Variants in MFHAS1 observed in about 807,000 individuals in gnomAD.
MFHAS1 encodes the protein malignant fibrous histiocytoma-amplified sequence 1.
MFHAS1 carries 50 observed loss-of-function variants against 70.4 expected under a neutral mutation model. That is an observed-to-expected ratio of 0.71 (90% CI 0.57 to 0.90). MFHAS1 has a LOEUF of 0.90. MFHAS1 is among the 40% of genes least tolerant of loss of function. The pLI is 0.00. For synonymous variants in MFHAS1, 952 were observed against 620.0 expected (o/e 1.54, Z -7.96); for missense variants, 1,795 against 1,347.6 (o/e 1.33, Z -5.20).
Position 8,860,904 on chromosome 8 carries a change from C to T in MFHAS1, c.2998+29157G>A, listed in dbSNP as rs778477772. 9.2e-5 allele frequency among the ~76,000 whole-genome samples: 14 copies of T among 152,284 alleles called. No individual in the cohort carries two copies. The South Asian group carries it at 1.0e-3, about 11-fold the overall frequency. On this transcript the variant is annotated intron_variant, in intron 1 of 2. Coordinates refer to ENST00000276282, the MANE Select transcript of MFHAS1 (RefSeq NM_004225.3). ...ACATATTTATGTATACATACGTATA[C>T]AAACCCACAACCACTTATTTCATCA...
At chr8:8,835,952 C>T (rs1181531260) in intron 1 of MFHAS1, among the ~76,000 whole-genome samples, 1 of 152,236 alleles carries the variant, frequency 6.6e-6, no homozygotes, top group Non-Finnish European at 1.5e-5. Flanking sequence ...CTAACCGATG[C>T]TACTACAGTG....
chr8:8,843,766 C>T (rs1448284954), intron 1 of MFHAS1, among the ~76,000 whole-genome samples: 1 of 152,084 alleles, frequency 6.6e-6, no homozygotes, highest in Non-Finnish European at 1.5e-5. Flanking sequence ...TAAACATCAG[C>T]GAACTCATCC....
intron 1 of MFHAS1, 26 bp downstream of exon 1, chr8:8,890,032 CAGA>C (rs1809925166): frequency 2.0e-6 from 3 of 1,530,230 alleles, no homozygotes; most frequent in South Asian, 2.5e-5. Flanking sequence ...CAGCATACCA[CAGA>C]AGAACTTCTC....
intron 1 of MFHAS1, among the ~76,000 whole-genome samples, chr8:8,868,882 A>AGG (rs575705073): frequency 9.1e-4 from 139 of 152,268 alleles, no homozygotes; most frequent in Non-Finnish European, 1.5e-3. Flanking sequence ...AAAAAGGGAG[A>AGG]GGAAAAAAAA....
intron 1 of MFHAS1, among the ~76,000 whole-genome samples, chr8:8,889,512 G>A (rs1004650575): frequency 1.3e-5 from 2 of 152,192 alleles, no homozygotes; most frequent in East Asian, 3.8e-4. Context: ...TTGAGGGGAT[G>A]GATACCGCAT....
At chr8:8,838,584 G>A (rs530206083) in intron 1 of MFHAS1, among the ~76,000 whole-genome samples, 22 of 152,126 alleles carry the variant, frequency 1.4e-4, no homozygotes, top group African/African-American at 4.3e-4. Flanking sequence ...AGGCAGAGGC[G>A]GGCGGATCAC....
At chr8:8,876,931 CA>C (rs1328008039) in intron 1 of MFHAS1, among the ~76,000 whole-genome samples, 31 of 138,996 alleles carry the variant, frequency 2.2e-4, no homozygotes, top group Non-Finnish European at 1.6e-4. Context: ...AAGACTCAGT[CA>C]AAAAAAAAAG....
chr8:8,892,999 C>T lies in MFHAS1; in HGVS notation c.60G>A (p.Leu20=). 8 of 1,537,008 alleles carry T rather than the reference C, an allele frequency of 5.2e-6. No homozygotes were observed. Among genetic ancestry groups the T allele is most frequent in the Non-Finnish European group, 6.1e-6 (7 of 1,144,448 alleles). Residue 20 remains leucine (L), a synonymous_variant, in exon 1 of 3, where the codon CTG becomes CTA. Transcript: ENST00000276282. This position sits in a 1 kb window ranked among gnomAD's most constrained non-coding sequence, Gnocchi z 4.7. The part of the protein sequence containing the change: ...KTARLWRDAA[L]RARKLRSNLR... Reference sequence around the variant, plus strand: ...GGTTGCTCCGCAGCTTCCTGGCACGCAGGGCGGCGTCCCGCCACAGCCTCG... The same window carrying T: ...GGTTGCTCCGCAGCTTCCTGGCACGTAGGGCGGCGTCCCGCCACAGCCTCG...
At position 8,882,590 on chromosome 8, in the gene MFHAS1, C is replaced by T. The variant is rs147894260; in HGVS notation, c.2998+7471G>A. Among the ~76,000 whole-genome samples, 422 of 151,956 alleles carry T rather than the reference C, an allele frequency of 2.8e-3. 4 individuals are homozygous for T. Among genetic ancestry groups the T allele is most frequent in the African/African-American group, 9.8e-3 (404 of 41,414 alleles). On this transcript the variant is annotated intron_variant, in intron 1 of 2. Coordinates refer to ENST00000276282, the MANE Select transcript of MFHAS1 (RefSeq NM_004225.3). The stretch of plus-strand genomic sequence containing the variant: ...TCGCGCCATTGCACTCCACCCTGGG[C>T]GACAGAGTGAGACTCCATCTCAAAA...
chr8:8,804,976 T>C (rs1806238631), intron 1 of MFHAS1, among the ~76,000 whole-genome samples: 2 of 152,108 alleles, frequency 1.3e-5, no homozygotes, highest in Admixed American at 6.6e-5. Flanking sequence ...GTTTGAAAGA[T>C]AGGAGGGAGA....
At chr8:8,833,795 C>G (rs1807497464) in intron 1 of MFHAS1, among the ~76,000 whole-genome samples, 1 of 151,990 alleles carries the variant, frequency 6.6e-6, no homozygotes, top group African/African-American at 2.4e-5. Context: ...ATGAGAAGAA[C>G]CCAAATGTCC....
At chr8:8,828,100 C>T (rs1357178905) in intron 1 of MFHAS1, among the ~76,000 whole-genome samples, 1 of 152,186 alleles carries the variant, frequency 6.6e-6, no homozygotes, top group African/African-American at 2.4e-5. Flanking sequence ...CAGCCTACAT[C>T]TGCCAGGACT....
Position 8,889,712 on chromosome 8 carries a change from G to C in MFHAS1, c.2998+349C>G, listed in dbSNP as rs551443906. 6.6e-5 allele frequency among the ~76,000 whole-genome samples: 10 copies of C among 152,336 alleles called. No homozygotes were observed. In the South Asian group the frequency reaches 8.3e-4, roughly 13 times the overall value. ...ACACTTTAGCCAACGATCAGTAAGA[G>C]GCTAACATCGGACACTGTCCAGAAT... On this transcript the variant is annotated intron_variant, in intron 1 of 2. Coordinates refer to ENST00000276282, the MANE Select transcript of MFHAS1 (RefSeq NM_004225.3).
intron 1 of MFHAS1, among the ~76,000 whole-genome samples, chr8:8,808,056 G>A (rs768048524): frequency 2.0e-5 from 3 of 152,116 alleles, no homozygotes; most frequent in Non-Finnish European, 2.9e-5. Context: ...ATGAAATCTC[G>A]ACCTGTCCAG....
chr8:8,856,980 GAAAAAAAAAAAAAAAAAA>G (rs59496543), intron 1 of MFHAS1, among the ~76,000 whole-genome samples: 1 of 53,392 alleles, frequency 1.9e-5, no homozygotes, highest in East Asian at 6.0e-4. Flanking sequence ...TCAGGAAAGT[GAAAAAAAAAAAAAAAAAA>G]AAAAAAAAAA....
In MFHAS1 at chr8:8,820,033, A is replaced by G. The variant is rs111633654; in HGVS notation, c.2999-22542T>C. On this transcript the variant is annotated intron_variant, in intron 1 of 2. Coordinates refer to ENST00000276282, the MANE Select transcript of MFHAS1 (RefSeq NM_004225.3). The stretch of plus-strand genomic sequence containing the variant: ...ATCTATGAAACACAAAACTTAAAAT[A>G]AACAATCCCAGTGTAAATTTAGTTT... Among the ~76,000 whole-genome samples, 12 of 152,280 alleles carry G rather than the reference A, an allele frequency of 7.9e-5. 1 individual carries two copies. Among genetic ancestry groups the G allele is most frequent in the African/African-American group, 2.6e-4 (11 of 41,554 alleles).
intron 1 of MFHAS1, among the ~76,000 whole-genome samples, chr8:8,876,245 T>C (rs1191934975): frequency 6.6e-6 from 1 of 152,210 alleles, no homozygotes; most frequent in African/African-American, 2.4e-5. Context: ...AACCACCATA[T>C]TATAATGCTT....
chr8:8,790,260 C>G, intron 2 of MFHAS1: 4 of 487,692 alleles, frequency 8.2e-6, no homozygotes, highest in Non-Finnish European at 1.1e-5. Flanking sequence ...CCCCCCTAAT[C>G]TCTCTGAGTC....
At chr8:8,818,051 A>G (rs1806813490) in intron 1 of MFHAS1, among the ~76,000 whole-genome samples, 1 of 152,140 alleles carries the variant, frequency 6.6e-6, no homozygotes, top group Admixed American at 6.5e-5. Context: ...ATTATGGACT[A>G]AGAACACCAA....
Sources: allele counts gnomAD v4.1 joint callset (sites outside exome capture counted in the v4.1 genomes callset), GRCh38; gene constraint gnomAD v4.1.1; non-coding constraint Gnocchi (gnomAD v3.1); transcripts MANE v1.5; gene names NCBI Gene and HGNC (gene_info 2026-07-23, HGNC 2026-07-21).